SDC2: variants seen among roughly 807,000 people sequenced by gnomAD.
SDC2 encodes the protein syndecan 2.
In SDC2, 13 loss-of-function variants were observed where a neutral mutation model predicts 22.2. The ratio of observed to expected loss-of-function variants is 0.59; its 90% CI spans 0.38 to 0.93. The LOEUF is 0.93. Ranked by LOEUF, SDC2 falls within the 40% of genes least tolerant of loss-of-function variation. SDC2 has a pLI of 0.00. For synonymous variants in SDC2, 94 were observed against 92.8 expected (o/e 1.01, Z -0.07); for missense variants, 235 against 246.8 (o/e 0.95, Z 0.32).
intron 1 of SDC2, among the ~76,000 whole-genome samples, chr8:96,549,378 A>G (rs1813988497): frequency 6.6e-6 from 1 of 152,132 alleles, no homozygotes; most frequent in Non-Finnish European, 1.5e-5. Flanking sequence ...GAAGTATAGA[A>G]TAGGTGGAGG....
At chr8:96,526,777 G>T (rs1430654933) in intron 1 of SDC2, among the ~76,000 whole-genome samples, 1 of 152,106 alleles carries the variant, frequency 6.6e-6, no homozygotes, top group Non-Finnish European at 1.5e-5. Flanking sequence ...GTTGACCCCT[G>T]TGTAGCTGTG....
At chr8:96,574,961 C>T (rs574001461) in intron 1 of SDC2, among the ~76,000 whole-genome samples, 4 of 152,096 alleles carry the variant, frequency 2.6e-5, no homozygotes, top group Non-Finnish European at 5.9e-5. Context: ...TCACAAGGAG[C>T]GTGCAACCTA....
chr8:96,495,813 G>A (rs1813065880), intron 1 of SDC2, among the ~76,000 whole-genome samples: 1 of 152,162 alleles, frequency 6.6e-6, no homozygotes, highest in Non-Finnish European at 1.5e-5. Flanking sequence ...TGGAGAGCAT[G>A]TAGAATTGGA....
intron 1 of SDC2, among the ~76,000 whole-genome samples, chr8:96,545,648 T>C (rs923436682): frequency 3.3e-5 from 5 of 152,342 alleles, no homozygotes; most frequent in African/African-American, 1.2e-4. Context: ...GTTCTCAAAC[T>C]GTGGGTACAT....
chr8:96,562,653 G>A (rs1814229097), intron 1 of SDC2, among the ~76,000 whole-genome samples: 1 of 152,158 alleles, frequency 6.6e-6, no homozygotes, highest in Non-Finnish European at 1.5e-5. Context: ...ATTTTGTATA[G>A]CTACTAGAAC....
intron 1 of SDC2, among the ~76,000 whole-genome samples, chr8:96,555,204 C>G (rs189937715): frequency 3.9e-4 from 60 of 152,182 alleles, no homozygotes; most frequent in Admixed American, 3.1e-3. Context: ...TAGCAGGATG[C>G]CTCATACTTA....
chr8:96,516,548 CA>C lies in SDC2; in HGVS notation c.60+22228del, dbSNP rs1020455902. Among the ~76,000 whole-genome samples, 147 of 145,500 alleles carry C rather than the reference CA, an allele frequency of 1.0e-3. 1 individual carries two copies. Among genetic ancestry groups the C allele is most frequent in the Admixed American group, 2.4e-3 (35 of 14,636 alleles). ...GAATATTTTAATCACCCCCCCACCT[CA>C]AAAAAAAAAACCTGTACCCATTTGC... On this transcript the variant is annotated intron_variant, in intron 1 of 4. Coordinates refer to ENST00000302190, the MANE Select transcript of SDC2 (RefSeq NM_002998.4).
At chr8:96,550,044 C>G (rs1269376862) in intron 1 of SDC2, among the ~76,000 whole-genome samples, 1 of 152,116 alleles carries the variant, frequency 6.6e-6, no homozygotes, top group African/African-American at 2.4e-5. Context: ...ATATAGACAG[C>G]ATAGATGGGT....
intron 1 of SDC2, among the ~76,000 whole-genome samples, chr8:96,521,772 A>C (rs1297643010): frequency 2.0e-5 from 3 of 152,204 alleles, no homozygotes; most frequent in Non-Finnish European, 4.4e-5. Context: ...AGGAAATAAC[A>C]CATTAAATCC....
rs190689926 is a variant in SDC2 at position 96,494,202 on chromosome 8, G to C, written c.-70G>C. 1.1e-3 allele frequency: 1,666 copies of C among 1,467,676 alleles called. 18 individuals are homozygous for C. In the African/African-American group the frequency reaches 0.02, roughly 17 times the overall value. 90.9% of individuals were successfully genotyped at this position (1,467,676 alleles called of 1,614,324 possible). A position where few individuals can be genotyped will look rare whatever the true frequency, so the allele number is the denominator to read the frequency against. ...GATTCGTGTGCGCGGGCTGCGCCGA[G>C]CGCTGGGCAGGAGGCTTCGTTTTGC... On this transcript the variant is annotated 5_prime_UTR_variant, in exon 1 of 5. Transcript: ENST00000302190.
intron 1 of SDC2, among the ~76,000 whole-genome samples, chr8:96,506,473 T>G (rs1342243373): frequency 1.3e-5 from 2 of 152,074 alleles, no homozygotes; most frequent in Non-Finnish European, 2.9e-5. Context: ...ATTACATATA[T>G]GTATCCGGTG....
chr8:96,589,025 T>G (rs1223603045), intron 1 of SDC2, among the ~76,000 whole-genome samples: 1 of 152,250 alleles, frequency 6.6e-6, no homozygotes, highest in Admixed American at 6.5e-5. Flanking sequence ...TTTGTGATGT[T>G]TCTGACTACA....
At chr8:96,528,552 G>A (rs1372404552) in intron 1 of SDC2, among the ~76,000 whole-genome samples, 1 of 152,118 alleles carries the variant, frequency 6.6e-6, no homozygotes, top group Non-Finnish European at 1.5e-5. Flanking sequence ...AAATGGTTTG[G>A]TTTTTACATA....
At chr8:96,500,608 G>A (rs2130420533) in intron 1 of SDC2, among the ~76,000 whole-genome samples, 2 of 145,176 alleles carry the variant, frequency 1.4e-5, no homozygotes, top group South Asian at 2.2e-4. Context: ...GTTGCAATGA[G>A]CCGAGATCAT....
chr8:96,560,944 A>G (rs989422733), intron 1 of SDC2, among the ~76,000 whole-genome samples: 5 of 152,090 alleles, frequency 3.3e-5, no homozygotes, highest in African/African-American at 1.2e-4. Context: ...CATCTCTACT[A>G]AAAATACAAA....
At chr8:96,574,932 T>C (rs964843630) in intron 1 of SDC2, among the ~76,000 whole-genome samples, 1 of 152,236 alleles carries the variant, frequency 6.6e-6, no homozygotes, top group Middle Eastern at 3.4e-3. Flanking sequence ...TCAAGCGCAG[T>C]ACATTTATCA....
At chr8:96,584,262 C>G (rs1814644569) in intron 1 of SDC2, among the ~76,000 whole-genome samples, 1 of 152,224 alleles carries the variant, frequency 6.6e-6, no homozygotes, top group African/African-American at 2.4e-5. Context: ...GAGCTGAAGC[C>G]TGGAAAGGTG....
chr8:96,576,481 G>A (rs566202591), intron 1 of SDC2, among the ~76,000 whole-genome samples: 4 of 82,804 alleles, frequency 4.8e-5, no homozygotes, highest in South Asian at 1.3e-3. Context: ...GTGCAGTGGC[G>A]GGACCTCGGC....
intron 1 of SDC2, among the ~76,000 whole-genome samples, chr8:96,546,294 C>A (rs1225261110): frequency 2.6e-5 from 4 of 152,100 alleles, no homozygotes; most frequent in Non-Finnish European, 5.9e-5. Context: ...CATGTGGATG[C>A]ATGTTTTCTG....
Sources: allele counts gnomAD v4.1 joint callset (sites outside exome capture counted in the v4.1 genomes callset), GRCh38; gene constraint gnomAD v4.1.1; transcripts MANE v1.5; gene names NCBI Gene and HGNC (gene_info 2026-07-23, HGNC 2026-07-21).